SNTG2: variants seen among roughly 807,000 people sequenced by gnomAD.
SNTG2 encodes the protein gamma-2-syntrophin.
In SNTG2, 74 loss-of-function variants were observed where a neutral mutation model predicts 70.9. The observed-to-expected ratio is 1.04, with a 90% CI of 0.86 to 1.27. The LOEUF (loss-of-function observed/expected upper bound fraction) is 1.27. Among genes scored for constraint, SNTG2 ranks in the 50% most tolerant of loss-of-function variants. The pLI, the probability that SNTG2 is intolerant of heterozygous loss-of-function variation, is 0.00. For missense variants in SNTG2, 717 were observed against 690.7 expected, an observed-to-expected ratio of 1.04 and a Z score of -0.43; for synonymous variants, 278 against 273.8, an observed-to-expected ratio of 1.02 and a Z score of -0.15.
chr2:1,233,368 A>G (rs139147541), intron 9 of SNTG2, among the ~76,000 whole-genome samples: 1 of 152,310 alleles, frequency 6.6e-6, no homozygotes, highest in East Asian at 1.9e-4. Flanking sequence ...TGATTTGAAA[A>G]AGGGTCAAAT....
chr2:1,341,682 A>G (rs1660097864), intron 16 of SNTG2: 1 of 151,798 alleles, frequency 6.6e-6, no homozygotes, highest in African/African-American at 2.4e-5. Flanking sequence ...GTCAAATGAG[A>G]CTCCAGTGAG....
At chr2:1,289,513 C>T (rs573529786) in intron 14 of SNTG2, among the ~76,000 whole-genome samples, 14 of 152,308 alleles carry the variant, frequency 9.2e-5, no homozygotes, top group Non-Finnish European at 1.6e-4. Flanking sequence ...CTGTAGGCAG[C>T]ACTTAGCAAA....
rs1473455669 is a variant in SNTG2 at position 1,354,432 on chromosome 2, G to C, written c.1489-12911G>C. ...TGTAAAGTGGATACGTTTCCATGGG[G>C]GAAGTGGAAGAACGCCGGGCTGGAG... On this transcript the variant is annotated intron_variant, in intron 16 of 16. Coordinates refer to ENST00000308624, the MANE Select transcript of SNTG2 (RefSeq NM_018968.4). Among the ~76,000 whole-genome samples the C allele has an allele frequency of 6.8e-5, 4 of 58,644 alleles. 1 individual carries two copies. Among genetic ancestry groups the C allele is most frequent in the African/African-American group, 3.3e-4 (4 of 12,176 alleles). 38.5% of individuals were successfully genotyped at this position (58,644 alleles called of 152,430 possible). A position where few individuals can be genotyped will look rare whatever the true frequency, so the allele number is the denominator to read the frequency against.
At chr2:1,301,023 G>T (rs974395721) in intron 14 of SNTG2, among the ~76,000 whole-genome samples, 1 of 152,140 alleles carries the variant, frequency 6.6e-6, no homozygotes, top group East Asian at 1.9e-4. Flanking sequence ...GACTGTGTGC[G>T]AGAGGAAATT....
intron 4 of SNTG2, among the ~76,000 whole-genome samples, chr2:1,132,489 T>G (rs1032147854): frequency 2.0e-5 from 3 of 152,236 alleles, no homozygotes; most frequent in African/African-American, 7.2e-5. Flanking sequence ...TCTCTCTTGA[T>G]GTAGGCAATT....
chr2:1,053,815 A>C (rs1040126456), intron 1 of SNTG2, among the ~76,000 whole-genome samples: 2 of 151,742 alleles, frequency 1.3e-5, no homozygotes, highest in African/African-American at 4.8e-5. Flanking sequence ...CCTTTCCTCC[A>C]TTCTTTTCTG....
chr2:1,019,160 T>C (rs921123074), intron 1 of SNTG2, among the ~76,000 whole-genome samples: 2 of 152,168 alleles, frequency 1.3e-5, no homozygotes, highest in African/African-American at 4.8e-5. Flanking sequence ...CGTCATGGTG[T>C]GTATTGTGCA....
intron 1 of SNTG2, among the ~76,000 whole-genome samples, chr2:1,072,342 TC>T (rs869254993): frequency 0.53 from 45,048 of 85,594 alleles, 9,562 homozygotes; most frequent in Non-Finnish European, 0.57. Context: ...CTTTTCTTTT[TC>T]TTTTTCTTTT....
chr2:1,033,505 G>A (rs191330297), intron 1 of SNTG2, among the ~76,000 whole-genome samples: 32 of 148,286 alleles, frequency 2.2e-4, no homozygotes, highest in Non-Finnish European at 4.6e-5. Context: ...CTGCAGAGCT[G>A]TGGAGACGGG....
At position 1,259,354 on chromosome 2, in the gene SNTG2, T is replaced by C; in HGVS notation, c.1006-16T>C. 1.2e-6 allele frequency: 2 copies of C among 1,613,494 alleles called. No homozygotes were observed. Among genetic ancestry groups the C allele is most frequent in the Non-Finnish European group, 8.5e-7 (1 of 1,179,572 alleles). On this transcript the variant is annotated splice_polypyrimidine_tract_variant and intron_variant, in intron 12 of 16. Coordinates refer to ENST00000308624, the MANE Select transcript of SNTG2 (RefSeq NM_018968.4). ...TAGCATGCTGCTTTTCATGGAACGT[T>C]CTCTGTTTCTTGCAGGTGAGCACAT... is the stretch of plus-strand genomic sequence containing the variant.
At chr2:971,319 A>G (rs6548294) in intron 1 of SNTG2, among the ~76,000 whole-genome samples, 51,613 of 151,658 alleles carry the variant, frequency 0.34, 9,496 homozygotes, top group Middle Eastern at 0.46. Context: ...TTTATCACTG[A>G]TTTAATTTTG....
intron 1 of SNTG2, among the ~76,000 whole-genome samples, chr2:1,014,715 G>T (rs558522853): frequency 3.7e-4 from 54 of 146,762 alleles, no homozygotes; most frequent in African/African-American, 1.3e-3. Flanking sequence ...GAGAAGGGTG[G>T]TCTGTAGGGG....
chr2:1,320,083 T>C (rs1451858831), intron 16 of SNTG2, among the ~76,000 whole-genome samples: 1 of 152,236 alleles, frequency 6.6e-6, no homozygotes, highest in African/African-American at 2.4e-5. Context: ...AGTTTCCTTT[T>C]AGTAGTTGTT....
At chr2:1,350,698 A>G (rs1660530778) in intron 16 of SNTG2, among the ~76,000 whole-genome samples, 1 of 152,186 alleles carries the variant, frequency 6.6e-6, no homozygotes, top group Non-Finnish European at 1.5e-5. Flanking sequence ...AGTCTATTTT[A>G]TTAAATGAGA....
At chr2:1,217,976 C>T (rs1674509986) in intron 9 of SNTG2, among the ~76,000 whole-genome samples, 1 of 152,034 alleles carries the variant, frequency 6.6e-6, no homozygotes, top group Non-Finnish European at 1.5e-5. Context: ...AAGGTGTCGG[C>T]TGGGCTGTGT....
chr2:1,015,027 G>A (rs6707252), intron 1 of SNTG2, among the ~76,000 whole-genome samples: 122,246 of 152,112 alleles, frequency 0.8, 49,822 homozygotes, highest in Middle Eastern at 0.83. Context: ...CTGCATCTCT[G>A]TCCTAAGAAG....
intron 6 of SNTG2, among the ~76,000 whole-genome samples, chr2:1,147,543 T>G (rs980958856): frequency 6.6e-5 from 10 of 152,242 alleles, no homozygotes; most frequent in East Asian, 1.9e-4. Context: ...TCCTTGCTCC[T>G]CAGCATGCAG....
chr2:1,008,308 A>G (rs1054314158), intron 1 of SNTG2, among the ~76,000 whole-genome samples: 2 of 152,210 alleles, frequency 1.3e-5, no homozygotes, highest in Admixed American at 6.5e-5. Flanking sequence ...AGATTCCAGT[A>G]ATTTTACATC....
intron 2 of SNTG2, 25 bp downstream of exon 2, chr2:1,083,680 T>C (rs1166069044): frequency 6.2e-7 from 1 of 1,613,006 alleles, no homozygotes; most frequent in South Asian, 1.1e-5. Flanking sequence ...TTCAGGGAAG[T>C]CTTGGAGTGT....
Sources: allele counts gnomAD v4.1 joint callset (sites outside exome capture counted in the v4.1 genomes callset), GRCh38; gene constraint gnomAD v4.1.1; transcripts MANE v1.5; gene names NCBI Gene and HGNC (gene_info 2026-07-23, HGNC 2026-07-21).